PTPN21: variants seen among roughly 807,000 people sequenced by gnomAD.
The protein encoded by PTPN21 is tyrosine-protein phosphatase non-receptor type 21.
Under a neutral mutation model 131.8 loss-of-function variants are expected in PTPN21, and 77 were observed. The observed-to-expected ratio is 0.58, with a 90% CI of 0.49 to 0.71. PTPN21 has a LOEUF of 0.71. Ranked by LOEUF, PTPN21 falls within the 30% of genes least tolerant of loss-of-function variation. The pLI, the probability that PTPN21 is intolerant of heterozygous loss-of-function variation, is 0.00. For synonymous variants in PTPN21, 715 were observed against 621.3 expected, an observed-to-expected ratio of 1.15 and a Z score of -2.24; for missense variants, 1,552 against 1,527.1, an observed-to-expected ratio of 1.02 and a Z score of -0.27.
Position 88,479,286 on chromosome 14 carries a change from C to G in PTPN21, c.2145G>C (p.Glu715Asp), listed in dbSNP as rs370943979. Residue 715 changes from glutamate to aspartate, a missense_variant, in exon 13 of 19, where the codon GAG becomes GAC. This residue lies in a region of PTPN21 where 1,016 missense variants were observed against 883.5 expected (regional missense o/e 1.15). Coordinates refer to ENST00000556564, the MANE Select transcript of PTPN21 (RefSeq NM_007039.4). Reference protein sequence around the residue: ...TMLIHSSEEEEDEDFEEESGA... With the variant: ...TMLIHSSEEEDDEDFEEESGA... ...CGCTCTCCTCCTCGAAGTCCTCGTC[C>G]TCCTCCTCCTCGCTGCTGTGGATTA... is the stretch of plus-strand genomic sequence containing the variant. The G allele has an allele frequency of 1.7e-4, 265 of 1,597,268 alleles. 1 individual carries two copies. The highest frequency in any genetic ancestry group is 2.0e-4 in the Non-Finnish European group (236 of 1,169,794).
chr14:88,467,360 A>C lies in PTPN21; in HGVS notation c.*777T>G, dbSNP rs2140072295. ...AAATCAAATTCATTTAGATCTATGAATAATACTGAAAAAATAATGCTTATT... is the reference window on the plus strand; with the variant it reads ...AAATCAAATTCATTTAGATCTATGACTAATACTGAAAAAATAATGCTTATT... On this transcript the variant is annotated 3_prime_UTR_variant, in exon 19 of 19. Transcript: ENST00000556564. 1 of 152,358 alleles carries C rather than the reference A, an allele frequency of 6.6e-6. No individual in the cohort carries two copies. The highest frequency in any genetic ancestry group is 2.1e-4 in the South Asian group (1 of 4,826). 9.4% of individuals were successfully genotyped at this position (152,358 alleles called of 1,614,324 possible).
rs10587204 is a variant in PTPN21 at position 88,526,547 on chromosome 14, C to CAAAAAAAAA, written c.181-9295_181-9287dup. On this transcript the variant is annotated intron_variant, in intron 2 of 18. Transcript: ENST00000556564. ...CCTGGGCAATAGAGCGAGATGATCTCAAAAAAAAAAAAAAAAAAAAAAAAA... is the reference window on the plus strand; with the variant it reads ...CCTGGGCAATAGAGCGAGATGATCTCAAAAAAAAAAAAAAAAAAAAAAAAAAAAAAAAAA... 5.6e-4 allele frequency among the ~76,000 whole-genome samples: 32 copies of CAAAAAAAAA among 56,912 alleles called. 2 individuals are homozygous for CAAAAAAAAA. The highest frequency in any genetic ancestry group is 2.2e-3 in the African/African-American group (27 of 12,154). The allele number at this position is 56,912 out of a possible 152,430, so 37.3% of individuals were successfully genotyped here. A position where few individuals can be genotyped will look rare whatever the true frequency, so the allele number is the denominator to read the frequency against.
intron 3 of PTPN21, among the ~76,000 whole-genome samples, chr14:88,514,362 T>G (rs1385721838): frequency 6.6e-6 from 1 of 152,206 alleles, no homozygotes; most frequent in African/African-American, 2.4e-5. Flanking sequence ...TTTTGTAGTA[T>G]CAGGTGGCAG....
At chr14:88,546,952 A>C (rs1460270394) in intron 2 of PTPN21, among the ~76,000 whole-genome samples, 1 of 152,166 alleles carries the variant, frequency 6.6e-6, no homozygotes, top group African/African-American at 2.4e-5. Context: ...TGTTACATTT[A>C]TGTTGGAAAT....
At chr14:88,472,888 T>C (rs1201742347) in intron 14 of PTPN21, among the ~76,000 whole-genome samples, 3 of 152,068 alleles carry the variant, frequency 2.0e-5, no homozygotes. Context: ...AAAATGAAGT[T>C]AAAATTTTAA....
chr14:88,520,806 C>A (rs1181299325), intron 2 of PTPN21, among the ~76,000 whole-genome samples: 2 of 152,044 alleles, frequency 1.3e-5, no homozygotes, highest in African/African-American at 4.8e-5. Flanking sequence ...GGATTGGATA[C>A]GGGAAAACTA....
intron 3 of PTPN21, among the ~76,000 whole-genome samples, chr14:88,513,217 T>G (rs1054494448): frequency 2.0e-5 from 3 of 152,178 alleles, no homozygotes; most frequent in African/African-American, 7.2e-5. Context: ...CAGGCTGGAG[T>G]GCAGTAGCGT....
Position 88,466,638 on chromosome 14 carries a change from T to A in PTPN21, c.*1499A>T, listed in dbSNP as rs1345718023. 1 of 152,232 alleles carries A rather than the reference T, an allele frequency of 6.6e-6. No individual in the cohort carries two copies. The highest frequency in any genetic ancestry group is 1.5e-5 in the Non-Finnish European group (1 of 68,044). The allele number at this position is 152,232 out of a possible 1,614,324, so 9.4% of individuals were successfully genotyped here. On this transcript the variant is annotated 3_prime_UTR_variant, in exon 19 of 19. Transcript: ENST00000556564. ...TCATCCATGCCTACTCAGCGGTCAC[T>A]GTGACAAGGCCATCTTAATCGGGGC...
chr14:88,535,138 T>C (rs375500366), intron 2 of PTPN21, among the ~76,000 whole-genome samples: 24 of 152,196 alleles, frequency 1.6e-4, no homozygotes, highest in African/African-American at 5.5e-4. Context: ...ACCATTGTTA[T>C]ATATATATAA....
intron 3 of PTPN21, among the ~76,000 whole-genome samples, chr14:88,513,266 G>A (rs1320838810): frequency 6.6e-6 from 1 of 152,178 alleles, no homozygotes; most frequent in Non-Finnish European, 1.5e-5. Flanking sequence ...CCAGGTTCAA[G>A]GGATTCTCCT....
intron 2 of PTPN21, among the ~76,000 whole-genome samples, chr14:88,535,016 G>A (rs1026827862): frequency 1.4e-4 from 21 of 152,220 alleles, no homozygotes; most frequent in Non-Finnish European, 2.5e-4. Context: ...TTTTAGTTCT[G>A]CAAGCGCCAT....
At chr14:88,529,416 G>A (rs1373839952) in intron 2 of PTPN21, among the ~76,000 whole-genome samples, 1 of 152,000 alleles carries the variant, frequency 6.6e-6, no homozygotes, top group East Asian at 1.9e-4. Context: ...CAGGGATACT[G>A]GTCTGTAGCC....
chr14:88,505,889 GA>G (rs1203634140), intron 4 of PTPN21, among the ~76,000 whole-genome samples: 2 of 152,186 alleles, frequency 1.3e-5, no homozygotes, highest in African/African-American at 4.8e-5. Context: ...AAAGTACCTT[GA>G]AAAGGAATGT....
chr14:88,514,206 T>C lies in PTPN21; in HGVS notation c.350+2886A>G, dbSNP rs1272335974. 2.6e-5 allele frequency among the ~76,000 whole-genome samples: 4 copies of C among 152,310 alleles called. No individual in the cohort carries two copies. In the South Asian group the frequency reaches 6.2e-4, roughly 24 times the overall value. ...TTTTATCTTGTCTTCTATACTTTTA[T>C]AGTTTCTATCATTTCAAAATTTCTA... On this transcript the variant is annotated intron_variant, in intron 3 of 18. Coordinates refer to ENST00000556564, the MANE Select transcript of PTPN21 (RefSeq NM_007039.4).
rs754860981 is a variant in PTPN21, at chr14:88,469,121, G to A, written c.3236-45C>T. 46 of 1,555,886 alleles carry A rather than the reference G, an allele frequency of 3.0e-5. No individual in the cohort carries two copies. The highest frequency in any genetic ancestry group is 1.7e-4 in the Middle Eastern group (1 of 5,852). On this transcript the variant is annotated intron_variant, in intron 17 of 18. Transcript: ENST00000556564. This position sits in a 1 kb window ranked among gnomAD's most constrained non-coding sequence, Gnocchi z 4.3. ...TAGAAAAGTACTCAAGGATCAAGGC[G>A]TATCACATTGTTGACTCAATCTTCA...
intron 4 of PTPN21, 133 bp from the exon 5 acceptor site, chr14:88,505,504 A>G (rs1028784572): frequency 3.7e-6 from 2 of 536,846 alleles, no homozygotes; most frequent in East Asian, 6.3e-5. Context: ...ATAGCTATAT[A>G]AAGTATATTT....
In PTPN21 at chr14:88,479,716, G is replaced by A. The variant is rs1293389695; in HGVS notation, c.1715C>T (p.Pro572Leu). The A allele has an allele frequency of 1.3e-6, 2 of 1,516,648 alleles. No homozygotes were observed. Among genetic ancestry groups the A allele is most frequent in the Non-Finnish European group, 1.8e-6 (2 of 1,142,162 alleles). The allele number at this position is 1,516,648 out of a possible 1,614,324, so 93.9% of individuals were successfully genotyped here. Residue 572 changes from proline to leucine, a missense_variant, in exon 13 of 19, where the codon CCC becomes CTC. Physicochemically the swap from Pro to Leu is moderately conservative, Grantham distance 98. This residue lies in a region of PTPN21 where 1,016 missense variants were observed against 883.5 expected (regional missense o/e 1.15). Coordinates refer to ENST00000556564, the MANE Select transcript of PTPN21 (RefSeq NM_007039.4). ...GTCTGGCGTGCTGTTGGCGGGCCTG[G>A]GGGGCGGGTAGGGTGGGGGTGGCCG... Reference protein sequence around the residue: ...VYRPPPPYPPPRPANSTPDLS... With the variant: ...VYRPPPPYPPLRPANSTPDLS...
chr14:88,493,953 T>C (rs2077864898), intron 10 of PTPN21, among the ~76,000 whole-genome samples: 1 of 152,210 alleles, frequency 6.6e-6, no homozygotes, highest in South Asian at 2.1e-4. Flanking sequence ...ATGGGGAATA[T>C]AGCACTGAAG....
chr14:88,479,673 G>A lies in PTPN21; in HGVS notation c.1758C>T (p.Tyr586=). ...TGAGGTCGGGGTTGCTGCTGCTGAT[G>A]TAAAGGTGGCGGGACAGGTCTGGCG... ...NSTPDLSRHL[Y]ISSSNPDLIT... is the part of the protein sequence containing the mutation. Residue 586 remains tyrosine, a synonymous_variant, in exon 13 of 19, where the codon TAC becomes TAT. Coordinates refer to ENST00000556564, the MANE Select transcript of PTPN21 (RefSeq NM_007039.4). 7.6e-7 allele frequency: 1 copy of A among 1,314,300 alleles called. No individual in the cohort carries two copies. The highest frequency in any genetic ancestry group is 9.9e-7 in the Non-Finnish European group (1 of 1,007,694). The allele number at this position is 1,314,300 out of a possible 1,614,324, so 81.4% of individuals were successfully genotyped here.
Sources: gnomAD v4.1 joint callset for allele counts (sites outside exome capture counted in the v4.1 genomes callset) on GRCh38, gnomAD v4.1.1 for gene constraint, gnomAD v4.1.1 regional missense constraint, Gnocchi (gnomAD v3.1) non-coding constraint, MANE v1.5 for transcripts, NCBI Gene and HGNC (gene_info 2026-07-23, HGNC 2026-07-21) for gene names.